CNTNAP2: variants seen among roughly 807,000 people sequenced by gnomAD.
CNTNAP2 encodes contactin-associated protein-like 2.
A neutral mutation model predicts 155.2 loss-of-function variants in CNTNAP2; 98 were observed. The ratio of observed to expected loss-of-function variants is 0.63; its 90% CI spans 0.54 to 0.75. The LOEUF (loss-of-function observed/expected upper bound fraction) is 0.75, where lower values mean the gene tolerates loss of function less well. Ranked by LOEUF, CNTNAP2 falls within the 30% of genes least tolerant of loss-of-function variation. CNTNAP2 has a pLI of 0.00. For missense variants in CNTNAP2, 1,727 were observed against 1,688.1 expected, an observed-to-expected ratio of 1.02 and a Z score of -0.40; for synonymous variants, 651 against 631.2, an observed-to-expected ratio of 1.03 and a Z score of -0.47.
chr7:147,146,857 C>G (rs76414773), intron 8 of CNTNAP2: 1 of 152,132 alleles, frequency 6.6e-6, no homozygotes, highest in Non-Finnish European at 1.5e-5. Context: ...GCAATTCTGT[C>G]AACTTATTAG....
chr7:146,230,207 C>A (rs1374215873), intron 1 of CNTNAP2, among the ~76,000 whole-genome samples: 1 of 152,150 alleles, frequency 6.6e-6, no homozygotes, highest in Admixed American at 6.5e-5. Flanking sequence ...CATTGTAGGA[C>A]TAATGGAAGT....
chr7:146,260,998 A>G (rs1799911392), intron 1 of CNTNAP2, among the ~76,000 whole-genome samples: 1 of 152,144 alleles, frequency 6.6e-6, no homozygotes, highest in South Asian at 2.1e-4. Context: ...GGTTCATGGC[A>G]GTGGTTTCTC....
intron 1 of CNTNAP2, among the ~76,000 whole-genome samples, chr7:146,333,693 G>A (rs922446271): frequency 5.3e-5 from 8 of 152,134 alleles, no homozygotes; most frequent in African/African-American, 7.2e-5. Flanking sequence ...AGGTGTCATG[G>A]CTCAAACATG....
At chr7:148,097,877 A>G (rs569795272) in intron 15 of CNTNAP2, among the ~76,000 whole-genome samples, 1 of 152,316 alleles carries the variant, frequency 6.6e-6, no homozygotes, top group Admixed American at 6.5e-5. Flanking sequence ...AGGCAAAGTG[A>G]TTGTATATAT....
At chr7:146,802,480 G>C (rs755393321) in intron 2 of CNTNAP2, among the ~76,000 whole-genome samples, 3 of 152,088 alleles carry the variant, frequency 2.0e-5, no homozygotes, top group African/African-American at 7.2e-5. Context: ...CCCAACGTTG[G>C]GGGAGGGACC....
chr7:146,679,259 G>A (rs1175597105), intron 1 of CNTNAP2, among the ~76,000 whole-genome samples: 1 of 151,498 alleles, frequency 6.6e-6, no homozygotes, highest in Non-Finnish European at 1.5e-5. Flanking sequence ...AACAGAGGCA[G>A]TGTTTGGTTT....
intron 17 of CNTNAP2, among the ~76,000 whole-genome samples, chr7:148,164,201 G>A (rs904688756): frequency 6.6e-6 from 1 of 152,108 alleles, no homozygotes; most frequent in African/African-American, 2.4e-5. Context: ...GCCTCCCAAA[G>A]TGCTGGGATT....
intron 8 of CNTNAP2, among the ~76,000 whole-genome samples, chr7:147,256,303 A>G (rs1804325322): frequency 6.6e-6 from 1 of 152,160 alleles, no homozygotes; most frequent in African/African-American, 2.4e-5. Flanking sequence ...AAAGATGGAC[A>G]CTGTCTTTAG....
rs115071934 is a variant in CNTNAP2, at chr7:147,006,847, C to A, written c.403-37060C>A. Among the ~76,000 whole-genome samples, 986 of 152,088 alleles carry A rather than the reference C, an allele frequency of 6.5e-3. 14 individuals carry two copies. The highest frequency in any genetic ancestry group is 0.022 in the African/African-American group (921 of 41,512). The stretch of plus-strand genomic sequence containing the variant: ...TCCTGTCTTCTTGGAGGAAAGAATT[C>A]TGCCAAGTGACACACAGGGGCAATT... On this transcript the variant is annotated intron_variant, in intron 3 of 23. Coordinates refer to ENST00000361727, the MANE Select transcript of CNTNAP2 (RefSeq NM_014141.6).
At chr7:147,383,409 A>C (rs989284499) in intron 9 of CNTNAP2, among the ~76,000 whole-genome samples, 2 of 152,208 alleles carry the variant, frequency 1.3e-5, no homozygotes, top group African/African-American at 4.8e-5. Context: ...ATTGTTTTAG[A>C]TAAGTAAGGT....
At chr7:148,313,437 C>T (rs953160647) in intron 21 of CNTNAP2, among the ~76,000 whole-genome samples, 3 of 151,172 alleles carry the variant, frequency 2.0e-5, no homozygotes, top group African/African-American at 7.3e-5. Context: ...GGGTCCCGCA[C>T]AGATGGGACA....
intron 1 of CNTNAP2, among the ~76,000 whole-genome samples, chr7:146,235,085 C>T (rs1293973498): frequency 6.6e-6 from 1 of 152,074 alleles, no homozygotes; most frequent in Non-Finnish European, 1.5e-5. Context: ...GAGGCAAAGG[C>T]ATGTTATTTT....
chr7:148,404,222 G>A (rs1799649806), intron 22 of CNTNAP2, among the ~76,000 whole-genome samples: 1 of 152,248 alleles, frequency 6.6e-6, no homozygotes, highest in Non-Finnish European at 1.5e-5. Context: ...CACTGGAACT[G>A]CAAACATGAT....
intron 1 of CNTNAP2, among the ~76,000 whole-genome samples, chr7:146,721,889 AT>A (rs71527797): frequency 0.025 from 1,763 of 69,690 alleles, 164 homozygotes; most frequent in Non-Finnish European, 0.032. Flanking sequence ...ATATATATAT[AT>A]TTTTTTTTTT....
intron 1 of CNTNAP2, among the ~76,000 whole-genome samples, chr7:146,481,341 G>A (rs535877194): frequency 1.3e-5 from 2 of 152,324 alleles, no homozygotes; most frequent in South Asian, 4.1e-4. Context: ...CCAAGGCAAT[G>A]TAGCATACTG....
At chr7:146,180,592 G>A (rs1023012185) in intron 1 of CNTNAP2, among the ~76,000 whole-genome samples, 3 of 151,998 alleles carry the variant, frequency 2.0e-5, no homozygotes, top group Non-Finnish European at 2.9e-5. Flanking sequence ...CACAGCTGCT[G>A]AGGAGCTCTC....
intron 1 of CNTNAP2, among the ~76,000 whole-genome samples, chr7:146,144,059 G>A (rs568727431): frequency 6.6e-6 from 1 of 152,098 alleles, no homozygotes; most frequent in African/African-American, 2.4e-5. Context: ...ACCATGCCCA[G>A]CCCTAATTTA....
chr7:148,018,762 C>T (rs991332163), intron 15 of CNTNAP2, among the ~76,000 whole-genome samples: 5 of 152,294 alleles, frequency 3.3e-5, no homozygotes, highest in African/African-American at 1.2e-4. Flanking sequence ...TCATTTTTGG[C>T]ACAAACAGAG....
intron 1 of CNTNAP2, among the ~76,000 whole-genome samples, chr7:146,758,892 C>G (rs1802037053): frequency 6.6e-6 from 1 of 152,030 alleles, no homozygotes; most frequent in South Asian, 2.1e-4. Context: ...CTTTTTAAGA[C>G]CAGAGTTAAG....
Sources: gnomAD v4.1 joint callset for allele counts (sites outside exome capture counted in the v4.1 genomes callset) on GRCh38, gnomAD v4.1.1 for gene constraint, MANE v1.5 for transcripts, NCBI Gene and HGNC (gene_info 2026-07-23, HGNC 2026-07-21) for gene names.